MCC: variants seen among roughly 807,000 people sequenced by gnomAD.
The protein encoded by MCC is colorectal mutant cancer protein.
MCC carries 90 observed loss-of-function variants against 116.2 expected under a neutral mutation model. The observed-to-expected ratio is 0.77, with a 90% CI of 0.65 to 0.92. The LOEUF (loss-of-function observed/expected upper bound fraction) is 0.92. Ranked by LOEUF, MCC falls within the 40% of genes least tolerant of loss-of-function variation. The probability of loss-of-function intolerance (pLI) is 0.00; values close to 1 mark genes in which losing one functional copy is unlikely to be tolerated. For synonymous variants in MCC, 578 were observed against 510.5 expected (o/e 1.13, Z -1.78); for missense variants, 1,516 against 1,312.2 (o/e 1.16, Z -2.40).
chr5:113,071,158 T>A lies in MCC; in HGVS notation c.1861A>T (p.Met621Leu), dbSNP rs747869321. Residue 621 changes from methionine (M) to leucine (L), a missense_variant, in exon 12 of 19, where the codon ATG (methionine) becomes TTG (leucine). Physicochemically the swap from Met to Leu is conservative, Grantham distance 15. Transcript: ENST00000408903. ...LEECKSNAER[M>L]SMLVGKYESN... ...TCGTATTTTCCCACCAGCATGCTCATCCTCTCGGCATTGCTTTTACATTCC... is the reference window on the plus strand; with the variant it reads ...TCGTATTTTCCCACCAGCATGCTCAACCTCTCGGCATTGCTTTTACATTCC... 1.9e-6 allele frequency: 3 copies of A among 1,614,062 alleles called. No individual in the cohort carries two copies. The highest frequency in any genetic ancestry group is 1.7e-6 in the Non-Finnish European group (2 of 1,180,042).
chr5:113,110,705 T>C (rs949597784), intron 6 of MCC, among the ~76,000 whole-genome samples: 7 of 152,248 alleles, frequency 4.6e-5, no homozygotes, highest in Non-Finnish European at 1.0e-4. Flanking sequence ...CTGGATGGAA[T>C]GGACCTCTCC....
intron 3 of MCC, among the ~76,000 whole-genome samples, chr5:113,195,157 A>G (rs549445189): frequency 2.0e-5 from 3 of 152,234 alleles, no homozygotes; most frequent in Non-Finnish European, 4.4e-5. Context: ...CACAGATCAC[A>G]CTTGGTGTGA....
At chr5:113,276,662 T>C (rs1400394799) in intron 3 of MCC, among the ~76,000 whole-genome samples, 1 of 152,200 alleles carries the variant, frequency 6.6e-6, no homozygotes, top group Non-Finnish European at 1.5e-5. Flanking sequence ...GGTCTGGCTC[T>C]GTTGCCCAGG....
At chr5:113,417,568 T>C (rs1770190556) in intron 1 of MCC, among the ~76,000 whole-genome samples, 1 of 152,200 alleles carries the variant, frequency 6.6e-6, no homozygotes, top group African/African-American at 2.4e-5. Context: ...ACTTTTCATC[T>C]TGGAGTTCTA....
intron 3 of MCC, among the ~76,000 whole-genome samples, chr5:113,164,202 T>C (rs1207124606): frequency 6.6e-6 from 1 of 152,212 alleles, no homozygotes; most frequent in African/African-American, 2.4e-5. Flanking sequence ...TCTACAGTGC[T>C]GCCTGCAGGT....
chr5:113,288,483 A>G (rs1766348651), intron 3 of MCC, among the ~76,000 whole-genome samples: 1 of 152,214 alleles, frequency 6.6e-6, no homozygotes, highest in African/African-American at 2.4e-5. Flanking sequence ...GAGGATCACA[A>G]CTATTCCTTA....
At chr5:113,404,619 T>C (rs1186807884) in intron 1 of MCC, among the ~76,000 whole-genome samples, 1 of 152,254 alleles carries the variant, frequency 6.6e-6, no homozygotes, top group Non-Finnish European at 1.5e-5. Context: ...CCTAGGGATA[T>C]GTTGATGACT....
intron 3 of MCC, among the ~76,000 whole-genome samples, chr5:113,283,344 A>T (rs148372036): frequency 1.1e-3 from 164 of 152,348 alleles, no homozygotes; most frequent in African/African-American, 3.7e-3. Flanking sequence ...GCCAAACCAG[A>T]TTTAAAAATA....
intron 3 of MCC, among the ~76,000 whole-genome samples, chr5:113,274,038 T>C (rs942758858): frequency 2.0e-5 from 3 of 152,168 alleles, no homozygotes; most frequent in Admixed American, 1.3e-4. Context: ...CTCCAGCACA[T>C]ACAAACAGGT....
At chr5:113,299,576 A>T (rs540142198) in intron 3 of MCC, among the ~76,000 whole-genome samples, 115 of 152,350 alleles carry the variant, frequency 7.5e-4, no homozygotes, top group African/African-American at 2.6e-3. Flanking sequence ...TGTCTTCTCA[A>T]CACACCAAAG....
chr5:113,328,899 T>C (rs1199172069), intron 3 of MCC, among the ~76,000 whole-genome samples: 1 of 152,316 alleles, frequency 6.6e-6, no homozygotes, highest in East Asian at 1.9e-4. Context: ...CACTGCACCC[T>C]GTCGAATGGG....
At chr5:113,239,789 A>T (rs1764293329) in intron 3 of MCC, among the ~76,000 whole-genome samples, 1 of 152,102 alleles carries the variant, frequency 6.6e-6, no homozygotes, top group South Asian at 2.1e-4. Flanking sequence ...CAGATTTCCC[A>T]CGGTGAACTG....
At chr5:113,476,080 A>C (rs1772226779) in intron 1 of MCC, among the ~76,000 whole-genome samples, 1 of 152,224 alleles carries the variant, frequency 6.6e-6, no homozygotes, top group East Asian at 1.9e-4. Flanking sequence ...AGGAAAAATC[A>C]AAAGTACCCT....
intron 1 of MCC, among the ~76,000 whole-genome samples, chr5:113,471,354 G>A (rs1368228699): frequency 2.0e-5 from 3 of 152,078 alleles, no homozygotes; most frequent in African/African-American, 7.2e-5. Flanking sequence ...TGGGTTTTTG[G>A]TGTGGATGTC....
chr5:113,265,566 G>A (rs1352492240), intron 3 of MCC, among the ~76,000 whole-genome samples: 1 of 152,070 alleles, frequency 6.6e-6, no homozygotes, highest in Non-Finnish European at 1.5e-5. Flanking sequence ...TTGGTTGAAC[G>A]TTCCCAAAAC....
At chr5:113,306,476 A>C (rs1162332459) in intron 3 of MCC, among the ~76,000 whole-genome samples, 2 of 152,174 alleles carry the variant, frequency 1.3e-5, no homozygotes, top group African/African-American at 2.4e-5. Context: ...AAAGATTGAT[A>C]ATGTTGAACA....
At position 113,063,971 on chromosome 5, in the gene MCC, G is replaced by A; in HGVS notation, c.2213+13C>T. On this transcript the variant is annotated intron_variant, in intron 14 of 18. Coordinates refer to ENST00000408903, the MANE Select transcript of MCC (RefSeq NM_001085377.2). ...GACACACGCCCACCCCAGAGCAGAAGGCTGAGCATTACCTGGTGTGGCTGT... is the reference window on the plus strand; with the variant it reads ...GACACACGCCCACCCCAGAGCAGAAAGCTGAGCATTACCTGGTGTGGCTGT... 1 of 1,607,766 alleles carries A rather than the reference G, an allele frequency of 6.2e-7. No homozygotes were observed. The highest frequency in any genetic ancestry group is 8.5e-7 in the Non-Finnish European group (1 of 1,177,116).
chr5:113,113,651 C>CAAA lies in MCC; in HGVS notation c.1027+9030_1027+9032dup, dbSNP rs11405354. 1.6e-3 allele frequency among the ~76,000 whole-genome samples: 172 copies of CAAA among 108,146 alleles called. 3 individuals are homozygous for CAAA. The highest frequency in any genetic ancestry group is 3.8e-3 in the African/African-American group (105 of 27,438). 70.9% of individuals were successfully genotyped at this position (108,146 alleles called of 152,430 possible). On this transcript the variant is annotated intron_variant, in intron 6 of 18. Transcript: ENST00000408903. ...GGACCATAACCCACATATGTTCTTG[C>CAAA]AAAAAAAAAAAAAAAAAAAGCTAAC...
intron 2 of MCC, among the ~76,000 whole-genome samples, chr5:113,370,847 A>G (rs190437975): frequency 6.6e-6 from 1 of 152,352 alleles, no homozygotes; most frequent in African/African-American, 2.4e-5. Context: ...AAACCATCTT[A>G]GAGACCTAAA....
Sources: gnomAD v4.1 joint callset for allele counts (sites outside exome capture counted in the v4.1 genomes callset) on GRCh38, gnomAD v4.1.1 for gene constraint, MANE v1.5 for transcripts, NCBI Gene and HGNC (gene_info 2026-07-23, HGNC 2026-07-21) for gene names.